APBA1: variants seen among roughly 807,000 people sequenced by gnomAD.
APBA1 encodes amyloid-beta A4 precursor protein-binding family A member 1.
APBA1 carries 55 observed loss-of-function variants against 86.6 expected under a neutral mutation model. The ratio of observed to expected loss-of-function variants is 0.64; its 90% CI spans 0.51 to 0.80. APBA1 has a LOEUF of 0.80. Among genes scored for constraint, APBA1 ranks in the 30% least tolerant of loss-of-function variants. APBA1 has a pLI of 0.00. For synonymous variants in APBA1, 511 were observed against 493.9 expected (o/e 1.03, Z -0.46); for missense variants, 1,090 against 1,183.0 (o/e 0.92, Z 1.15).
intron 1 of APBA1, among the ~76,000 whole-genome samples, chr9:69,663,182 T>C (rs2134028120): frequency 6.6e-6 from 1 of 152,340 alleles, no homozygotes; most frequent in East Asian, 1.9e-4. Context: ...GAGAATAGGA[T>C]AGGAAGCATC....
chr9:69,556,522 T>G (rs75596781), intron 1 of APBA1, among the ~76,000 whole-genome samples: 2 of 152,188 alleles, frequency 1.3e-5, no homozygotes, highest in African/African-American at 4.8e-5. Context: ...CCCAGTGCAG[T>G]TGTACTTTAT....
In APBA1 at chr9:69,604,423, CAT is replaced by C. The variant is rs112802073; in HGVS notation, c.-70+67728_-70+67729del. On this transcript the variant is annotated intron_variant, in intron 1 of 12. Coordinates refer to ENST00000265381, the MANE Select transcript of APBA1 (RefSeq NM_001163.4). ...GGAGAGGCACATGAGTGTGGGCACA[CAT>C]ATATGAGAGTAAGTGGAGAGGCAAA... 8.1e-3 allele frequency among the ~76,000 whole-genome samples: 1,155 copies of C among 142,732 alleles called. 23 individuals carry two copies. The highest frequency in any genetic ancestry group is 0.029 in the African/African-American group (1,074 of 37,364). 93.6% of individuals were successfully genotyped at this position (142,732 alleles called of 152,430 possible). A position where few individuals can be genotyped will look rare whatever the true frequency, so the allele number is the denominator to read the frequency against.
chr9:69,445,253 T>C (rs1004359560), intron 10 of APBA1, among the ~76,000 whole-genome samples: 62 of 152,164 alleles, frequency 4.1e-4, no homozygotes, highest in African/African-American at 1.5e-3. Context: ...AGTGAAAAAT[T>C]TTCTAGATTG....
intron 11 of APBA1, among the ~76,000 whole-genome samples, chr9:69,440,222 C>G (rs1038917301): frequency 6.6e-6 from 1 of 152,208 alleles, no homozygotes; most frequent in Non-Finnish European, 1.5e-5. Flanking sequence ...TTAGGCTACT[C>G]AGGGGTCAGG....
intron 1 of APBA1, among the ~76,000 whole-genome samples, chr9:69,616,342 A>G (rs1213987643): frequency 6.6e-6 from 1 of 152,182 alleles, no homozygotes; most frequent in Non-Finnish European, 1.5e-5. Flanking sequence ...ATCCATATAT[A>G]CAAAATAAGA....
chr9:69,432,802 G>T, intron 11 of APBA1, 126 bp from the exon 12 acceptor site: 2 of 981,498 alleles, frequency 2.0e-6, no homozygotes, highest in Non-Finnish European at 2.7e-6. Flanking sequence ...TTAGGCTTTG[G>T]GCATTTAACT....
intron 1 of APBA1, among the ~76,000 whole-genome samples, chr9:69,605,088 G>T (rs1822444645): frequency 6.6e-6 from 1 of 152,142 alleles, no homozygotes. Context: ...AGAATGATTT[G>T]GGGGGTAAAA....
intron 2 of APBA1, among the ~76,000 whole-genome samples, chr9:69,483,227 T>TG (rs750897200): frequency 2.7e-5 from 4 of 149,140 alleles, no homozygotes; most frequent in African/African-American, 7.4e-5. Flanking sequence ...CACAGTCTGT[T>TG]GGCAATGTTT....
rs1313006596 is a variant in APBA1, at chr9:69,427,754, A to C, written c.*3573T>G. ...GTCCACATTCCAGGCTCACGTGTAG[A>C]TATATTTTATTTATATATTTATTTA... is the stretch of plus-strand genomic sequence containing the variant. On this transcript the variant is annotated 3_prime_UTR_variant, in exon 13 of 13. Transcript: ENST00000265381. 1 of 151,922 alleles carries C rather than the reference A, an allele frequency of 6.6e-6. No homozygotes were observed. Among genetic ancestry groups the C allele is most frequent in the Admixed American group, 6.6e-5 (1 of 15,254 alleles). 9.4% of individuals were successfully genotyped at this position (151,922 alleles called of 1,614,324 possible).
intron 10 of APBA1, among the ~76,000 whole-genome samples, chr9:69,441,600 G>A (rs1834825955): frequency 6.6e-6 from 1 of 152,148 alleles, no homozygotes; most frequent in African/African-American, 2.4e-5. Context: ...GATTCATCAT[G>A]GCTCTTTTCT....
chr9:69,516,905 G>A lies in APBA1; in HGVS notation c.306C>T (p.Asp102=), dbSNP rs983751290. 18 of 1,594,090 alleles carry A rather than the reference G, an allele frequency of 1.1e-5. No individual in the cohort carries two copies. The highest frequency in any genetic ancestry group is 1.4e-5 in the Non-Finnish European group (17 of 1,176,902). ...AEGDVIAAAR[D]GYDAERAQDP... Reference sequence around the variant, plus strand: ...CCTGCGCGCGCTCCGCATCGTAGCCGTCGCGGGCCGCGGCGATCACGTCGC... The same window carrying A: ...CCTGCGCGCGCTCCGCATCGTAGCCATCGCGGGCCGCGGCGATCACGTCGC... Residue 102 remains aspartate, a synonymous_variant, in exon 2 of 13, where the codon GAC becomes GAT. Coordinates refer to ENST00000265381, the MANE Select transcript of APBA1 (RefSeq NM_001163.4). This position sits in a 1 kb window ranked among gnomAD's most constrained non-coding sequence, Gnocchi z 7.3.
chr9:69,526,870 C>G (rs983419492), intron 1 of APBA1, among the ~76,000 whole-genome samples: 1 of 152,092 alleles, frequency 6.6e-6, no homozygotes, highest in Non-Finnish European at 1.5e-5. Flanking sequence ...GACATATACA[C>G]CATACACCAT....
At chr9:69,563,533 T>C (rs926277360) in intron 1 of APBA1, among the ~76,000 whole-genome samples, 3 of 152,220 alleles carry the variant, frequency 2.0e-5, no homozygotes, top group African/African-American at 7.2e-5. Context: ...GTTGCATGGC[T>C]ACCAAATCAC....
At chr9:69,615,386 A>C (rs914745619) in intron 1 of APBA1, among the ~76,000 whole-genome samples, 8 of 152,136 alleles carry the variant, frequency 5.3e-5, no homozygotes, top group African/African-American at 1.9e-4. Context: ...TTCAAAAAGA[A>C]TTTTCTCTGT....
Position 69,456,290 on chromosome 9 carries a change from T to C in APBA1, c.1745A>G (p.Lys582Arg). The part of the protein sequence containing the change: ...VEASHPSQDG[K>R]RQYKMICHVF... The stretch of plus-strand genomic sequence containing the variant: ...GTGGCAGATCATCTTGTACTGCCTT[T>C]TCCCATCCTGGGATGGGTGGGACGC... The change falls in exon 8 of 13, where the codon AAA (lysine) becomes AGA (arginine). Residue 582 changes from lysine (K) to arginine (R), a missense_variant. Lys to Arg is a conservative substitution (Grantham distance 26). Around this residue, in one of 6 missense-constraint regions of APBA1, gnomAD observed 103 missense variants for 91.9 expected, o/e 1.12. Transcript: ENST00000265381. 32 of 1,614,238 alleles carry C rather than the reference T, an allele frequency of 2.0e-5. No homozygotes were observed. The highest frequency in any genetic ancestry group is 2.6e-5 in the Non-Finnish European group (31 of 1,180,032).
chr9:69,483,489 C>T (rs181065757), intron 2 of APBA1, among the ~76,000 whole-genome samples: 47 of 151,740 alleles, frequency 3.1e-4, no homozygotes, highest in African/African-American at 1.1e-3. Flanking sequence ...TGAGGGGGCA[C>T]GCTGATAGAC....
chr9:69,589,318 T>C (rs1055498579), intron 1 of APBA1, among the ~76,000 whole-genome samples: 1 of 152,196 alleles, frequency 6.6e-6, no homozygotes, highest in Non-Finnish European at 1.5e-5. Flanking sequence ...AGATAATCAA[T>C]CACTGTTGCT....
Position 69,516,075 on chromosome 9 carries a change from C to A in APBA1, c.1136G>T (p.Trp379Leu). Reference protein sequence around the residue: ...YTPDEPKEPIWVMRQDISPTR... With the variant: ...YTPDEPKEPILVMRQDISPTR... ...GGGGCTAATGTCCTGGCGCATGACC[C>A]AGATGGGCTCTTTGGGCTCGTCGGG... Residue 379 changes from tryptophan to leucine, a missense_variant, in exon 2 of 13, where the codon TGG becomes TTG. Coordinates refer to ENST00000265381, the MANE Select transcript of APBA1 (RefSeq NM_001163.4). The surrounding 1 kb of genome is among the most constrained non-coding windows in gnomAD (Gnocchi z 7.3). The A allele has an allele frequency of 6.2e-7, 1 of 1,612,660 alleles. No homozygotes were observed. The highest frequency in any genetic ancestry group is 1.3e-5 in the African/African-American group (1 of 74,938).
intron 1 of APBA1, among the ~76,000 whole-genome samples, chr9:69,546,020 G>A (rs1836691801): frequency 6.6e-6 from 1 of 152,148 alleles, no homozygotes; most frequent in African/African-American, 2.4e-5. Flanking sequence ...ATTTTCTAAA[G>A]TATGACAAAC....
Sources: allele counts gnomAD v4.1 joint callset (sites outside exome capture counted in the v4.1 genomes callset), GRCh38; gene constraint gnomAD v4.1.1; regional missense constraint gnomAD v4.1.1; non-coding constraint Gnocchi (gnomAD v3.1); transcripts MANE v1.5; gene names NCBI Gene and HGNC (gene_info 2026-07-23, HGNC 2026-07-21).